RAB3C: variants seen among roughly 807,000 people sequenced by gnomAD.
The protein encoded by RAB3C is RAB3C, member RAS oncogene family.
In RAB3C, 17 loss-of-function variants were observed where a neutral mutation model predicts 26.4. That is an observed-to-expected ratio of 0.64 (90% CI 0.44 to 0.97). RAB3C has a LOEUF of 0.97. RAB3C is among the 50% of genes least tolerant of loss of function. RAB3C has a pLI of 0.00. For synonymous variants in RAB3C, 91 were observed against 95.9 expected (o/e 0.95, Z 0.30); for missense variants, 242 against 281.9 (o/e 0.86, Z 1.01).
chr5:58,737,421 AT>A lies in RAB3C; in HGVS notation c.371+11302del, dbSNP rs1561305153. 4.7e-4 allele frequency among the ~76,000 whole-genome samples: 50 copies of A among 106,526 alleles called. 1 individual carries two copies. Among genetic ancestry groups the A allele is most frequent in the African/African-American group, 1.2e-3 (35 of 28,624 alleles). 69.9% of individuals were successfully genotyped at this position (106,526 alleles called of 152,430 possible). On this transcript the variant is annotated intron_variant, in intron 3 of 4. Coordinates refer to ENST00000282878, the MANE Select transcript of RAB3C (RefSeq NM_138453.4). ...TATATATATATATATATATATATATATATATATATATATATATATATATATA... is the reference window on the plus strand; with the variant it reads ...TATATATATATATATATATATATATAATATATATATATATATATATATATA...
In RAB3C at chr5:58,667,365, T is replaced by C. The variant is rs1168826846; in HGVS notation, c.252+49495T>C. On this transcript the variant is annotated intron_variant, in intron 2 of 4. Transcript: ENST00000282878. Reference sequence around the variant, plus strand: ...AATGAAAGGGCAGACTTAGCTGCATTGCACCCTTTGCTATTTCCTCTCCCT... The same window carrying C: ...AATGAAAGGGCAGACTTAGCTGCATCGCACCCTTTGCTATTTCCTCTCCCT... Among the ~76,000 whole-genome samples, 4 of 152,160 alleles carry C rather than the reference T, an allele frequency of 2.6e-5. No homozygotes were observed. The South Asian group carries it at 8.3e-4, about 31-fold the overall frequency.
intron 2 of RAB3C, among the ~76,000 whole-genome samples, chr5:58,685,667 T>A (rs1344597893): frequency 6.6e-6 from 1 of 152,168 alleles, no homozygotes; most frequent in African/African-American, 2.4e-5. Flanking sequence ...GCTAATACAG[T>A]TGATCATTCA....
intron 3 of RAB3C, among the ~76,000 whole-genome samples, chr5:58,763,591 A>C (rs932891071): frequency 1.3e-5 from 2 of 152,140 alleles, no homozygotes; most frequent in African/African-American, 4.8e-5. Context: ...AAAAGTTTGC[A>C]TGTTGTCAAA....
rs57733643 is a variant in RAB3C at position 58,851,738 on chromosome 5, TTGTGTG to T, written c.*410_*415del. 69,336 of 152,382 alleles carry T rather than the reference TTGTGTG, an allele frequency of 0.46. 16,437 individuals are homozygous for T. The highest frequency in any genetic ancestry group is 0.65 in the Middle Eastern group (196 of 300). 9.4% of individuals were successfully genotyped at this position (152,382 alleles called of 1,614,324 possible). On this transcript the variant is annotated 3_prime_UTR_variant, in exon 5 of 5. Coordinates refer to ENST00000282878, the MANE Select transcript of RAB3C (RefSeq NM_138453.4). Reference sequence around the variant, plus strand: ...GTAGGAATGATGACCAAGGAATTGCTTGTGTGTGTGTGTGTGTGTGTGTGTGTGCAC... The same window carrying T: ...GTAGGAATGATGACCAAGGAATTGCTTGTGTGTGTGTGTGTGTGTGTGCAC...
intron 3 of RAB3C, among the ~76,000 whole-genome samples, chr5:58,762,036 T>C (rs1327603867): frequency 1.3e-5 from 2 of 149,514 alleles, no homozygotes; most frequent in Non-Finnish European, 3.0e-5. Flanking sequence ...TTTGGTTCCC[T>C]AGCAGCCACT....
chr5:58,678,882 T>C (rs1748288225), intron 2 of RAB3C, among the ~76,000 whole-genome samples: 1 of 152,196 alleles, frequency 6.6e-6, no homozygotes, highest in African/African-American at 2.4e-5. Flanking sequence ...ATGTAGGGTA[T>C]AAATAGAAAA....
intron 1 of RAB3C, among the ~76,000 whole-genome samples, chr5:58,607,740 G>A (rs1252362408): frequency 6.6e-6 from 1 of 152,228 alleles, no homozygotes; most frequent in African/African-American, 2.4e-5. Flanking sequence ...CAAGTGAGAA[G>A]AGAGTGGGGG....
intron 3 of RAB3C, among the ~76,000 whole-genome samples, chr5:58,734,849 CCA>C (rs1384358932): frequency 6.6e-6 from 1 of 152,140 alleles, no homozygotes; most frequent in African/African-American, 2.4e-5. Flanking sequence ...TATAAAGTTG[CCA>C]CAGACACTGA....
intron 3 of RAB3C, among the ~76,000 whole-genome samples, chr5:58,774,504 T>A (rs1407050887): frequency 6.6e-6 from 1 of 152,144 alleles, no homozygotes; most frequent in Non-Finnish European, 1.5e-5. Flanking sequence ...ACTACAGAGA[T>A]ATTAGTGGGG....
intron 1 of RAB3C, among the ~76,000 whole-genome samples, chr5:58,593,750 G>A (rs1021406131): frequency 6.6e-6 from 1 of 152,162 alleles, no homozygotes. Context: ...TGTCAGTTCT[G>A]TTGAGATAAT....
At chr5:58,718,305 T>G (rs1348839560) in intron 2 of RAB3C, among the ~76,000 whole-genome samples, 2 of 152,114 alleles carry the variant, frequency 1.3e-5, no homozygotes, top group East Asian at 3.9e-4. Context: ...TAAATTTTAT[T>G]AAGGTCTTGA....
chr5:58,698,827 A>G (rs1373108562), intron 2 of RAB3C, among the ~76,000 whole-genome samples: 1 of 152,096 alleles, frequency 6.6e-6, no homozygotes, highest in Non-Finnish European at 1.5e-5. Context: ...CCATTCGCCT[A>G]ATCTTTTTTC....
chr5:58,744,468 A>C (rs549959598), intron 3 of RAB3C, among the ~76,000 whole-genome samples: 1 of 152,324 alleles, frequency 6.6e-6, no homozygotes, highest in South Asian at 2.1e-4. Flanking sequence ...AGTGTATGAC[A>C]TCTCCAGCTA....
intron 3 of RAB3C, among the ~76,000 whole-genome samples, chr5:58,747,393 A>G (rs1741423504): frequency 6.6e-6 from 1 of 152,134 alleles, no homozygotes. Flanking sequence ...CCTCTATTTT[A>G]TTTGGTTATC....
At chr5:58,813,590 ATT>A (rs11396797) in intron 3 of RAB3C, among the ~76,000 whole-genome samples, 50 of 34,304 alleles carry the variant, frequency 1.5e-3, no homozygotes, top group African/African-American at 5.6e-3. Flanking sequence ...TTATATTTAT[ATT>A]TATATATATA....
At chr5:58,728,613 TG>T (rs1740938015) in intron 3 of RAB3C, among the ~76,000 whole-genome samples, 1 of 152,012 alleles carries the variant, frequency 6.6e-6, no homozygotes, top group Non-Finnish European at 1.5e-5. Context: ...GTAGCGATTC[TG>T]GGAGCACATG....
Position 58,643,038 on chromosome 5 carries a change from G to A in RAB3C, c.252+25168G>A, listed in dbSNP as rs146185775. ...TGGAAGCCAAATCAGACTCTTTAAT[G>A]TATGTTTTCAACTGAGAGCAGTTTG... On this transcript the variant is annotated intron_variant, in intron 2 of 4. Coordinates refer to ENST00000282878, the MANE Select transcript of RAB3C (RefSeq NM_138453.4). Among the ~76,000 whole-genome samples, 473 of 152,306 alleles carry A rather than the reference G, an allele frequency of 3.1e-3. 1 individual carries two copies. Among genetic ancestry groups the A allele is most frequent in the African/African-American group, 0.01 (432 of 41,574 alleles).
intron 2 of RAB3C, among the ~76,000 whole-genome samples, chr5:58,635,069 A>G (rs1166439262): frequency 6.6e-6 from 1 of 152,184 alleles, no homozygotes; most frequent in Non-Finnish European, 1.5e-5. Context: ...TTGATGTAAA[A>G]ACACTCAAAG....
At chr5:58,815,648 A>T (rs1743199137) in intron 3 of RAB3C, 1 of 152,200 alleles carries the variant, frequency 6.6e-6, no homozygotes, top group Non-Finnish European at 1.5e-5. Context: ...TTTTGTGCTT[A>T]TATTCTGAGT....
Sources: gnomAD v4.1 joint callset for allele counts (sites outside exome capture counted in the v4.1 genomes callset) on GRCh38, gnomAD v4.1.1 for gene constraint, MANE v1.5 for transcripts, NCBI Gene and HGNC (gene_info 2026-07-23, HGNC 2026-07-21) for gene names.